The following CASD1 variants were observed in gnomAD, a reference collection of about 807,000 sequenced individuals.
CASD1 encodes the protein N-acetylneuraminate (7)9-O-acetyltransferase.
CASD1 carries 41 observed loss-of-function variants against 100.0 expected under a neutral mutation model. The observed-to-expected ratio is 0.41, with a 90% CI of 0.32 to 0.53. CASD1 has a LOEUF of 0.53. Among genes scored for constraint, CASD1 ranks in the 20% least tolerant of loss-of-function variants. The pLI, the probability that CASD1 is intolerant of heterozygous loss-of-function variation, is 0.25. For missense variants in CASD1, 774 were observed against 948.7 expected, an observed-to-expected ratio of 0.82 and a Z score of 2.42; for synonymous variants, 321 against 315.6, an observed-to-expected ratio of 1.02 and a Z score of -0.18.
chr7:94,533,909 T>G, intron 7 of CASD1, 107 bp downstream of exon 7: 3 of 1,081,524 alleles, frequency 2.8e-6, no homozygotes, highest in Non-Finnish European at 3.8e-6. Context: ...GAGAATTAAT[T>G]TTGAAACAAG....
At chr7:94,618,747 G>T in the CASD1 span, 2 of 1,607,544 alleles carry the variant, frequency 1.2e-6, no homozygotes, top group East Asian at 4.5e-5. Flanking sequence ...ATGAGATAAA[G>T]ATCTGCTTAC....
chr7:94,629,692 G>GC, the CASD1 span: 2 of 1,608,616 alleles, frequency 1.2e-6, no homozygotes, highest in East Asian at 2.2e-5. Context: ...TACGTTAACT[G>GC]CTTTTTTTTC....
chr7:94,604,789 A>C, the CASD1 span, among the ~76,000 whole-genome samples: 2 of 99,572 alleles, frequency 2.0e-5, no homozygotes, highest in Admixed American at 1.2e-4. Context: ...ATTATTTTTT[A>C]TAACTAATGG....
At chr7:94,545,490 C>T (rs1795630545) in intron 11 of CASD1, 55 bp from the exon 12 acceptor site, 18 of 1,406,402 alleles carry the variant, frequency 1.3e-5, no homozygotes, top group Non-Finnish European at 1.7e-5. Context: ...TTCGTGTGTA[C>T]CTAGAATGAA....
downstream of CASD1, among the ~76,000 whole-genome samples, chr7:94,557,862 T>C (rs1796258834): frequency 6.6e-6 from 1 of 152,134 alleles, no homozygotes; most frequent in African/African-American, 2.4e-5. Context: ...GTTGCCACAA[T>C]GATAGCACCT....
the CASD1 span, among the ~76,000 whole-genome samples, chr7:94,563,792 A>G: frequency 0.22 from 32,786 of 151,966 alleles, 4,344 homozygotes; most frequent in South Asian, 0.36. Flanking sequence ...ACTAGGCACT[A>G]GGAGCTTCTT....
chr7:94,519,969 A>G (rs1421507959), intron 3 of CASD1, among the ~76,000 whole-genome samples: 2 of 152,252 alleles, frequency 1.3e-5, no homozygotes, highest in African/African-American at 2.4e-5. Context: ...AAGTAGATAC[A>G]ATATGGTACA....
chr7:94,520,889 C>G (rs567684260), intron 3 of CASD1, among the ~76,000 whole-genome samples: 1 of 151,710 alleles, frequency 6.6e-6, no homozygotes, highest in Non-Finnish European at 1.5e-5. Flanking sequence ...GTCAGGAGAT[C>G]GAGACCATCC....
the CASD1 span, chr7:94,628,017 A>T: frequency 3.7e-6 from 2 of 535,746 alleles, no homozygotes; most frequent in Admixed American, 6.3e-5. Flanking sequence ...TGAAACAAAA[A>T]CTTTATAAAC....
At chr7:94,628,170 G>A in the CASD1 span, 11 of 1,463,478 alleles carry the variant, frequency 7.5e-6, no homozygotes, top group African/African-American at 1.4e-5. Context: ...ACACATATAT[G>A]TATAGTTTTG....
intron 2 of CASD1, among the ~76,000 whole-genome samples, chr7:94,517,877 G>A (rs994652792): frequency 6.6e-6 from 1 of 152,128 alleles, no homozygotes; most frequent in Non-Finnish European, 1.5e-5. Flanking sequence ...TAGGCCTAAG[G>A]CAATAATCCT....
At chr7:94,590,278 T>C in the CASD1 span, among the ~76,000 whole-genome samples, 3 of 152,162 alleles carry the variant, frequency 2.0e-5, no homozygotes, top group African/African-American at 7.2e-5. Flanking sequence ...TTATTTTTAA[T>C]TAAAAAAATC....
At chr7:94,577,471 A>T in the CASD1 span, among the ~76,000 whole-genome samples, 1 of 152,174 alleles carries the variant, frequency 6.6e-6, no homozygotes, top group Admixed American at 6.5e-5. Context: ...ATGTTGGGGA[A>T]TGCTTTAAAA....
At chr7:94,546,923 T>A (rs1795708731) in intron 12 of CASD1, among the ~76,000 whole-genome samples, 173 bp from the exon 13 acceptor site, 1 of 151,864 alleles carries the variant, frequency 6.6e-6, no homozygotes, top group Non-Finnish European at 1.5e-5. Context: ...CCTTTGTTTT[T>A]CTTTTTGCCC....
chr7:94,591,059 TTTTA>T, the CASD1 span, among the ~76,000 whole-genome samples: 2 of 152,222 alleles, frequency 1.3e-5, no homozygotes, highest in Non-Finnish European at 2.9e-5. Flanking sequence ...TTATATTCGT[TTTTA>T]TTGTTACTTA....
chr7:94,588,502 C>T, the CASD1 span: 8 of 1,418,808 alleles, frequency 5.6e-6, no homozygotes, highest in East Asian at 1.1e-4. Flanking sequence ...CTGTGTTTAT[C>T]ATTCTGATGC....
At chr7:94,543,492 A>G (rs1287441405) in intron 10 of CASD1, among the ~76,000 whole-genome samples, 2 of 152,124 alleles carry the variant, frequency 1.3e-5, no homozygotes, top group Admixed American at 1.3e-4. Context: ...TGTCTCTACT[A>G]AAAATACAAA....
the CASD1 span, among the ~76,000 whole-genome samples, chr7:94,569,045 A>T: frequency 2.6e-5 from 4 of 152,224 alleles, no homozygotes; most frequent in Non-Finnish European, 5.9e-5. Context: ...TGCCTTTGAA[A>T]TATACGATAA....
chr7:94,585,538 T>A, the CASD1 span: 1 of 1,563,146 alleles, frequency 6.4e-7, no homozygotes, highest in Non-Finnish European at 8.8e-7. Flanking sequence ...AGAATGAATA[T>A]GGGCAGGAGT....
Sources: allele counts gnomAD v4.1 joint callset (sites outside exome capture counted in the v4.1 genomes callset), GRCh38; gene constraint gnomAD v4.1.1; transcripts MANE v1.5; gene names NCBI Gene and HGNC (gene_info 2026-07-23, HGNC 2026-07-21).